The following CEP192 variants were observed in gnomAD, a reference collection of about 807,000 sequenced individuals.
The protein encoded by CEP192 is centrosomal protein of 192 kDa.
CEP192 carries 151 observed loss-of-function variants against 271.8 expected under a neutral mutation model. That is an observed-to-expected ratio of 0.56 (90% CI 0.49 to 0.64). CEP192 has a LOEUF of 0.64. Among genes scored for constraint, CEP192 ranks in the 30% least tolerant of loss-of-function variants. The pLI is 0.00. For missense variants in CEP192, 2,910 were observed against 3,020.5 expected, an observed-to-expected ratio of 0.96 and a Z score of 0.86; for synonymous variants, 995 against 1,076.5, an observed-to-expected ratio of 0.92 and a Z score of 1.48.
rs771988892 is a variant in CEP192, at chr18:13,056,589, T to C, written c.3999T>C (p.Ser1333=). The change falls in exon 19 of 45, where the codon TCT becomes TCC. Residue 1333 remains serine, a synonymous_variant. Transcript: ENST00000506447. ...MGTSSLCNPY[S]NTLNQNLLST... ...CCTCTTCCCTCTGTAACCCATATTC[T>C]AATACCTTAAATCAGAACCTGCTAA... 1 of 1,614,122 alleles carries C rather than the reference T, an allele frequency of 6.2e-7. No homozygotes were observed. Among genetic ancestry groups the C allele is most frequent in the East Asian group, 2.2e-5 (1 of 44,898 alleles).
chr18:13,013,425 G>A (rs1385715936), intron 5 of CEP192, among the ~76,000 whole-genome samples: 3 of 152,200 alleles, frequency 2.0e-5, no homozygotes, highest in African/African-American at 4.8e-5. Flanking sequence ...TTTGTTAAAT[G>A]ATAGAGAAGC....
chr18:13,071,248 A>T, intron 28 of CEP192, 36 bp downstream of exon 28: 1 of 1,562,072 alleles, frequency 6.4e-7, no homozygotes, highest in Non-Finnish European at 8.8e-7. Context: ...TCCACTATTT[A>T]TACATATTTT....
In CEP192 at chr18:13,116,357, T is replaced by C. The variant is rs2040428642; in HGVS notation, c.7290-20T>C. On this transcript the variant is annotated intron_variant, in intron 42 of 44. Coordinates refer to ENST00000506447, the MANE Select transcript of CEP192 (RefSeq NM_032142.4). ...CTGTGGATTTCAGATTCTTAACTTT[T>C]ACACCTATTCCCAAAGCAGGCAGCT... is the stretch of plus-strand genomic sequence containing the variant. 1.2e-6 allele frequency: 2 copies of C among 1,609,370 alleles called. No individual in the cohort carries two copies. Among genetic ancestry groups the C allele is most frequent in the Non-Finnish European group, 1.7e-6 (2 of 1,178,668 alleles).
chr18:13,117,621 A>G lies in CEP192; in HGVS notation c.7453A>G (p.Lys2485Glu). ...FLSPREPFYV[K>E]HSKYSLRAQH... ...GAGTCCCAGAGAGCCATTCTATGTCAAACATTCCAAGTACTCTTTGAGGTA... is the reference window on the plus strand; with the variant it reads ...GAGTCCCAGAGAGCCATTCTATGTCGAACATTCCAAGTACTCTTTGAGGTA... Residue 2485 changes from lysine to glutamate, a missense_variant, in exon 44 of 45, where the codon AAA becomes GAA. Coordinates refer to ENST00000506447, the MANE Select transcript of CEP192 (RefSeq NM_032142.4). 1 of 1,612,956 alleles carries G rather than the reference A, an allele frequency of 6.2e-7. No individual in the cohort carries two copies. Among genetic ancestry groups the G allele is most frequent in the Non-Finnish European group, 8.5e-7 (1 of 1,179,032 alleles).
At position 13,087,287 on chromosome 18, in the gene CEP192, A is replaced by G. The variant is rs770750621; in HGVS notation, c.5877+10A>G. 2 of 1,582,140 alleles carry G rather than the reference A, an allele frequency of 1.3e-6. No homozygotes were observed. The highest frequency in any genetic ancestry group is 1.7e-6 in the Non-Finnish European group (2 of 1,159,644). On this transcript the variant is annotated intron_variant, in intron 31 of 44. Transcript: ENST00000506447. ...GGAAAGAACACAAGAAGTAAGTACAAAAGTTTCTGTGCTAAAAACATCAAC... is the reference window on the plus strand; with the variant it reads ...GGAAAGAACACAAGAAGTAAGTACAGAAGTTTCTGTGCTAAAAACATCAAC...
chr18:13,022,607 C>T (rs1019591087), intron 9 of CEP192, among the ~76,000 whole-genome samples: 9 of 152,124 alleles, frequency 5.9e-5, no homozygotes, highest in African/African-American at 1.7e-4. Context: ...TCTCAAACTT[C>T]TGATTTCAAA....
At chr18:13,121,379 G>T (rs2040650616) in intron 44 of CEP192, among the ~76,000 whole-genome samples, 1 of 152,168 alleles carries the variant, frequency 6.6e-6, no homozygotes, top group South Asian at 2.1e-4. Context: ...AAGGCCTGGT[G>T]GGGCTGCTCT....
chr18:13,087,042 C>G lies in CEP192; in HGVS notation c.5642C>G (p.Thr1881Arg). 1 of 1,611,792 alleles carries G rather than the reference C, an allele frequency of 6.2e-7. No homozygotes were observed. The highest frequency in any genetic ancestry group is 8.5e-7 in the Non-Finnish European group (1 of 1,178,070). Residue 1881 changes from threonine to arginine, a missense_variant, in exon 31 of 45, where the codon ACA (threonine) becomes AGA (arginine). Thr to Arg is a moderately conservative substitution (Grantham distance 71). Coordinates refer to ENST00000506447, the MANE Select transcript of CEP192 (RefSeq NM_032142.4). ...FTIPLSGYGG[T>R]SNLILEGVKK... ...ATACCTTTGTCTGGATATGGAGGAA[C>G]AAGCAATCTTATTTTGGAAGGCGTT...
chr18:13,067,749 A>G (rs183307512), intron 21 of CEP192, 82 bp from the exon 22 acceptor site: 10 of 1,180,198 alleles, frequency 8.5e-6, no homozygotes, highest in Admixed American at 6.4e-5. Flanking sequence ...ATTTGTGGCT[A>G]GAAATGGCAG....
chr18:13,071,097 G>A lies in CEP192; in HGVS notation c.5233G>A (p.Glu1745Lys), dbSNP rs1333082308. 5 of 1,613,958 alleles carry A rather than the reference G, an allele frequency of 3.1e-6. No individual in the cohort carries two copies. Among genetic ancestry groups the A allele is most frequent in the African/African-American group, 1.3e-5 (1 of 75,044 alleles). ...TCAGTATGAGGTAGTGTTAAAAGGC[G>A]AAGTCATTTCTTCAGGAAGTAAACC... ...GPQYEVVLKG[E>K]VISSGSKPLS... Residue 1745 changes from glutamate (E) to lysine (K), a missense_variant, in exon 28 of 45, where the codon GAA (glutamate) becomes AAA (lysine). Glu to Lys is a moderately conservative substitution (Grantham distance 56). Transcript: ENST00000506447.
At chr18:13,027,232 T>C (rs954491216) in intron 9 of CEP192, among the ~76,000 whole-genome samples, 1 of 152,210 alleles carries the variant, frequency 6.6e-6, no homozygotes, top group Non-Finnish European at 1.5e-5. Flanking sequence ...TTAGGTTTTC[T>C]TGAGGTTTGT....
At chr18:13,052,093 C>T (rs779599261) in intron 17 of CEP192, among the ~76,000 whole-genome samples, 43 of 152,144 alleles carry the variant, frequency 2.8e-4, no homozygotes, top group Non-Finnish European at 5.6e-4. Context: ...AGGTGCAGTC[C>T]GTTTCCTGCT....
chr18:13,114,345 A>G lies in CEP192; in HGVS notation c.7289+94A>G, dbSNP rs1304948305. The G allele has an allele frequency of 3.8e-6, 5 of 1,326,876 alleles. No homozygotes were observed. In the African/African-American group the frequency reaches 4.4e-5, roughly 12 times the overall value. The allele number at this position is 1,326,876 out of a possible 1,614,324, so 82.2% of individuals were successfully genotyped here. A position where few individuals can be genotyped will look rare whatever the true frequency, so the allele number is the denominator to read the frequency against. ...GCTCGATGACTTTACCTGAGTTCAC[A>G]TGTGTTACCAGCACTCCAACCAAGA... is the stretch of plus-strand genomic sequence containing the variant. On this transcript the variant is annotated intron_variant, in intron 42 of 44. Coordinates refer to ENST00000506447, the MANE Select transcript of CEP192 (RefSeq NM_032142.4).
chr18:12,993,314 G>A (rs2032995592), intron 1 of CEP192, among the ~76,000 whole-genome samples: 2 of 152,168 alleles, frequency 1.3e-5, no homozygotes, highest in Admixed American at 6.5e-5. Context: ...TCGGGGGTAA[G>A]GTAGATGTCA....
At position 13,071,104 on chromosome 18, in the gene CEP192, T is replaced by C. The variant is rs1435768161; in HGVS notation, c.5240T>C (p.Ile1747Thr). The change falls in exon 28 of 45, where the codon ATT (isoleucine) becomes ACT (threonine). Residue 1747 changes from isoleucine to threonine, a missense_variant. Physicochemically the swap from Ile to Thr is moderately conservative, Grantham distance 89. Coordinates refer to ENST00000506447, the MANE Select transcript of CEP192 (RefSeq NM_032142.4). ...GAGGTAGTGTTAAAAGGCGAAGTCA[T>C]TTCTTCAGGAAGTAAACCTCTGTCA... is the stretch of plus-strand genomic sequence containing the variant. ...QYEVVLKGEV[I>T]SSGSKPLSPG... 1 of 1,614,082 alleles carries C rather than the reference T, an allele frequency of 6.2e-7. No homozygotes were observed. The highest frequency in any genetic ancestry group is 2.2e-5 in the East Asian group (1 of 44,888).
rs2039607632 is a variant in CEP192 at position 13,099,537 on chromosome 18, C to T, written c.6619C>T (p.Pro2207Ser). The T allele has an allele frequency of 1.8e-5, 29 of 1,604,610 alleles. No homozygotes were observed. The highest frequency in any genetic ancestry group is 2.4e-5 in the Non-Finnish European group (28 of 1,176,018). The change falls in exon 37 of 45, where the codon CCG (proline) becomes TCG (serine). Residue 2207 changes from proline (P) to serine (S), a missense_variant. By Grantham distance (74) the Pro-to-Ser change is moderately conservative. Coordinates refer to ENST00000506447, the MANE Select transcript of CEP192 (RefSeq NM_032142.4). ...SSLSTKQSMF[P>S]WSGLIYIHCD... ...CTTATCCACAAAACAGTCAATGTTC[C>T]CGTGGAGTGGTTTGATCTATATACA...
intron 34 of CEP192, 112 bp downstream of exon 34, chr18:13,092,639 T>G (rs1387125177): frequency 9.0e-6 from 7 of 776,864 alleles, no homozygotes; most frequent in Non-Finnish European, 1.4e-5. Context: ...CTCAAAATTT[T>G]TATTTCACCT....
Position 13,015,462 on chromosome 18 carries a change from A to C in CEP192, c.640+14A>C, listed in dbSNP as rs2034588679. The stretch of plus-strand genomic sequence containing the variant: ...AAGATTCTTCTGGTACTGCAGAGTA[A>C]CCTGTGTTTCCCTGGTCTTCACCTT... On this transcript the variant is annotated intron_variant, in intron 6 of 44. Transcript: ENST00000506447. 1 of 1,550,174 alleles carries C rather than the reference A, an allele frequency of 6.5e-7. No homozygotes were observed. The highest frequency in any genetic ancestry group is 2.0e-5 in the Admixed American group (1 of 50,674).
intron 33 of CEP192, 55 bp from the exon 34 acceptor site, chr18:13,092,322 T>G: frequency 8.4e-7 from 1 of 1,191,606 alleles, no homozygotes; most frequent in Non-Finnish European, 1.2e-6. Flanking sequence ...ATCTGTTACT[T>G]TGTGGTATGC....
Sources: gnomAD v4.1 joint callset for allele counts (sites outside exome capture counted in the v4.1 genomes callset) on GRCh38, gnomAD v4.1.1 for gene constraint, MANE v1.5 for transcripts, NCBI Gene and HGNC (gene_info 2026-07-23, HGNC 2026-07-21) for gene names.